IRF8: variants seen among roughly 807,000 people sequenced by gnomAD.
IRF8 encodes interferon consensus sequence binding protein 1.
IRF8 carries 14 observed loss-of-function variants against 48.7 expected under a neutral mutation model. That is an observed-to-expected ratio of 0.29 (90% CI 0.19 to 0.45). The LOEUF (loss-of-function observed/expected upper bound fraction) is 0.45. Ranked by LOEUF, IRF8 falls within the 20% of genes least tolerant of loss-of-function variation. The pLI is 1.00. For synonymous variants in IRF8, 278 were observed against 227.3 expected, an observed-to-expected ratio of 1.22 and a Z score of -2.01; for missense variants, 493 against 580.7, an observed-to-expected ratio of 0.85 and a Z score of 1.55.
At chr16:85,904,834 C>CTTTTTTTTTTTTTTTTTT (rs1904946524) in intron 2 of IRF8, among the ~76,000 whole-genome samples, 1 of 40,038 alleles carries the variant, frequency 2.5e-5, no homozygotes, top group African/African-American at 1.9e-4. Flanking sequence ...TTTTTTTTTG[C>CTTTTTTTTTTTTTTTTTT]CTTTGGCATC....
rs992760008 is a variant in IRF8, at chr16:85,922,146, A to G, written c.*864A>G. On this transcript the variant is annotated 3_prime_UTR_variant, in exon 9 of 9. Coordinates refer to ENST00000268638, the MANE Select transcript of IRF8 (RefSeq NM_002163.4). ...ACCAATCCCGCATTCAGAACCTCCC[A>G]GTGAAAGGGCAGCCTTCATTTTGAG... 6.6e-6 allele frequency: 1 copy of G among 152,292 alleles called. No homozygotes were observed. Among genetic ancestry groups the G allele is most frequent in the Non-Finnish European group, 1.5e-5 (1 of 68,048 alleles). 9.4% of individuals were successfully genotyped at this position (152,292 alleles called of 1,614,324 possible). A position where few individuals can be genotyped will look rare whatever the true frequency, so the allele number is the denominator to read the frequency against.
chr16:85,907,806 CA>C (rs1905047834), intron 2 of IRF8, among the ~76,000 whole-genome samples: 1 of 152,226 alleles, frequency 6.6e-6, no homozygotes, highest in Admixed American at 6.5e-5. Context: ...ACAAGCTTCC[CA>C]GGGGCAGGGG....
intron 1 of IRF8, chr16:85,901,063 T>G (rs1209121185): frequency 6.6e-6 from 1 of 152,214 alleles, no homozygotes; most frequent in Non-Finnish European, 1.5e-5. Flanking sequence ...TAGGAGAAAT[T>G]TTTCTACCTT....
At chr16:85,913,048 A>G (rs1361434960) in intron 4 of IRF8, 83 bp from the exon 5 acceptor site, 41 of 971,244 alleles carry the variant, frequency 4.2e-5, no homozygotes, top group Middle Eastern at 2.1e-4. Flanking sequence ...TTACACATGA[A>G]CTGTTCATTT....
chr16:85,908,400 A>C (rs906574632), intron 2 of IRF8, among the ~76,000 whole-genome samples: 15 of 152,244 alleles, frequency 9.9e-5, no homozygotes, highest in Admixed American at 2.6e-4. Flanking sequence ...TATTAAAAAA[A>C]ACACACACAC....
intron 2 of IRF8, chr16:85,903,629 A>C: frequency 8.5e-6 from 2 of 233,938 alleles, no homozygotes; most frequent in Middle Eastern, 3.7e-3. Flanking sequence ...GTGAGATGCC[A>C]TCTGTCATTC....
intron 2 of IRF8, among the ~76,000 whole-genome samples, chr16:85,907,691 A>C (rs906721146): frequency 6.6e-6 from 1 of 152,200 alleles, no homozygotes; most frequent in African/African-American, 2.4e-5. Context: ...AAATAAAAAA[A>C]CTAAAATAAA....
intron 3 of IRF8, among the ~76,000 whole-genome samples, chr16:85,911,056 G>A (rs947509531): frequency 9.2e-5 from 14 of 152,224 alleles, no homozygotes; most frequent in Admixed American, 6.5e-5. Flanking sequence ...GCATCAGTGA[G>A]GGTGCTGCGG....
chr16:85,916,539 A>C (rs1214516861), intron 6 of IRF8, among the ~76,000 whole-genome samples: 1 of 152,104 alleles, frequency 6.6e-6, no homozygotes, highest in Non-Finnish European at 1.5e-5. Flanking sequence ...ACCTTCTCTT[A>C]GCATAAGACG....
intron 5 of IRF8, 171 bp downstream of exon 5, chr16:85,913,407 G>A (rs765517401): frequency 3.0e-5 from 19 of 641,568 alleles, no homozygotes; most frequent in Non-Finnish European, 4.8e-5. Flanking sequence ...CAACATGAGG[G>A]CAGAGCCCAG....
At chr16:85,899,873 C>T (rs756079785) in intron 1 of IRF8, among the ~76,000 whole-genome samples, 5 of 152,134 alleles carry the variant, frequency 3.3e-5, no homozygotes, top group Non-Finnish European at 7.3e-5. Context: ...ACAGACTTTC[C>T]TAAGGTGAGA....
rs748665429 is a variant in IRF8, at chr16:85,903,382, G to T, written c.174+193G>T. On this transcript the variant is annotated intron_variant, in intron 2 of 8. Coordinates refer to ENST00000268638, the MANE Select transcript of IRF8 (RefSeq NM_002163.4). ...GCTGATTTCACATCTTTTGAATTAC[G>T]GAGTCACTTTTGTGGTCGCTTGTAT... The T allele has an allele frequency of 4.9e-6, 3 of 607,536 alleles. No homozygotes were observed. The South Asian group carries it at 5.9e-5, about 12-fold the overall frequency. 37.6% of individuals were successfully genotyped at this position (607,536 alleles called of 1,614,324 possible).
chr16:85,917,679 C>G (rs944287651), intron 6 of IRF8, among the ~76,000 whole-genome samples: 1 of 152,194 alleles, frequency 6.6e-6, no homozygotes, highest in Non-Finnish European at 1.5e-5. Context: ...GGGAGGTTGA[C>G]AGGTGTTAGG....
intron 1 of IRF8, 98 bp downstream of exon 1, chr16:85,899,321 G>C (rs1597247225): frequency 6.6e-6 from 1 of 152,344 alleles, no homozygotes; most frequent in East Asian, 1.9e-4. Context: ...ACTACCTACC[G>C]TAATGTCCCC....
At chr16:85,917,578 A>G (rs1163818704) in intron 6 of IRF8, among the ~76,000 whole-genome samples, 1 of 152,220 alleles carries the variant, frequency 6.6e-6, no homozygotes, top group African/African-American at 2.4e-5. Flanking sequence ...GCTAGAATTG[A>G]TTAAGATTGT....
At position 85,919,102 on chromosome 16, in the gene IRF8, A is replaced by G. The variant is rs374342105; in HGVS notation, c.988+299A>G. 6.1e-4 allele frequency among the ~76,000 whole-genome samples: 93 copies of G among 152,220 alleles called. 1 individual carries two copies. In the East Asian group the frequency reaches 0.013, roughly 21 times the overall value. On this transcript the variant is annotated intron_variant, in intron 7 of 8. Transcript: ENST00000268638. ...AACTTAACCTCATGTACCTTGGAGT[A>G]TGTTCCAAGGATGGTCCCTGAGCGC...
intron 3 of IRF8, among the ~76,000 whole-genome samples, chr16:85,910,525 A>G (rs1381282016): frequency 2.0e-5 from 3 of 152,166 alleles, no homozygotes; most frequent in African/African-American, 7.2e-5. Context: ...ATTTGAAGGA[A>G]TAGAGAAGTT....
chr16:85,910,560 C>A (rs1372735143), intron 3 of IRF8, among the ~76,000 whole-genome samples: 1 of 152,196 alleles, frequency 6.6e-6, no homozygotes, highest in Non-Finnish European at 1.5e-5. Context: ...CTGCCACCCC[C>A]AAGATCAGTC....
chr16:85,919,259 G>A (rs1170480071), intron 7 of IRF8, among the ~76,000 whole-genome samples: 2 of 152,206 alleles, frequency 1.3e-5, no homozygotes. Flanking sequence ...GCTCAGGATG[G>A]CAGCTGCACA....
Sources: allele counts gnomAD v4.1 joint callset (sites outside exome capture counted in the v4.1 genomes callset), GRCh38; gene constraint gnomAD v4.1.1; transcripts MANE v1.5; gene names NCBI Gene and HGNC (gene_info 2026-07-23, HGNC 2026-07-21).